SPIDR: variants seen among roughly 807,000 people sequenced by gnomAD.
SPIDR encodes the protein scaffold protein involved in DNA repair, also known as DNA repair-scaffolding protein.
A neutral mutation model predicts 104.6 loss-of-function variants in SPIDR; 93 were observed. The observed-to-expected ratio is 0.89, with a 90% confidence interval of 0.75 to 1.06. SPIDR has a LOEUF of 1.06. Ranked by LOEUF, SPIDR falls within the 50% of genes least tolerant of loss-of-function variation. The pLI is 0.00. For missense variants in SPIDR, 1,154 were observed against 1,111.2 expected (o/e 1.04, Z -0.55); for synonymous variants, 431 against 416.9 (o/e 1.03, Z -0.41).
chr8:47,420,301 G>T (rs1224264577), intron 7 of SPIDR, among the ~76,000 whole-genome samples: 4 of 152,102 alleles, frequency 2.6e-5, no homozygotes, highest in Non-Finnish European at 4.4e-5. Flanking sequence ...GGGTGCTCCT[G>T]TATTAGGTGC....
chr8:47,487,399 A>G (rs2077842284), intron 8 of SPIDR, among the ~76,000 whole-genome samples: 1 of 152,152 alleles, frequency 6.6e-6, no homozygotes, highest in Non-Finnish European at 1.5e-5. Flanking sequence ...CCCACACAAT[A>G]ATAATGGGAG....
intron 8 of SPIDR, among the ~76,000 whole-genome samples, chr8:47,500,859 A>G (rs1672552887): frequency 6.6e-6 from 1 of 152,184 alleles, no homozygotes; most frequent in Non-Finnish European, 1.5e-5. Context: ...CTTTCTACAT[A>G]TGGCTAGCCA....
At chr8:47,615,163 T>C (rs1386118530) in intron 10 of SPIDR, among the ~76,000 whole-genome samples, 2 of 151,990 alleles carry the variant, frequency 1.3e-5, no homozygotes, top group African/African-American at 2.4e-5. Flanking sequence ...CTCAAACTCT[T>C]GGACTCAGGC....
intron 5 of SPIDR, among the ~76,000 whole-genome samples, chr8:47,322,737 A>C (rs1586946263): frequency 6.6e-6 from 1 of 152,188 alleles, no homozygotes; most frequent in Non-Finnish European, 1.5e-5. Flanking sequence ...GCACATATAC[A>C]CCATGGAATA....
chr8:47,658,437 C>T (rs367729676), intron 10 of SPIDR, among the ~76,000 whole-genome samples: 1 of 151,306 alleles, frequency 6.6e-6, no homozygotes, highest in Non-Finnish European at 1.5e-5. Flanking sequence ...AAAAATAGTT[C>T]GATATTCACC....
At chr8:47,290,538 A>G (rs2039716972) in intron 3 of SPIDR, among the ~76,000 whole-genome samples, 3 of 152,180 alleles carry the variant, frequency 2.0e-5, no homozygotes, top group African/African-American at 7.2e-5. Context: ...TATGAATCTA[A>G]TATTATCTCA....
At chr8:47,727,174 G>T in intron 16 of SPIDR, 26 bp from the exon 17 acceptor site, 2 of 1,611,674 alleles carry the variant, frequency 1.2e-6, no homozygotes, top group South Asian at 1.1e-5. Context: ...CGCCTCTGAG[G>T]TGGGCTTTCC....
intron 5 of SPIDR, among the ~76,000 whole-genome samples, chr8:47,358,704 A>G (rs1554627596): frequency 6.6e-6 from 1 of 152,232 alleles, no homozygotes; most frequent in African/African-American, 2.4e-5. Flanking sequence ...TTTGTTTTGC[A>G]GTTCAATTGC....
intron 10 of SPIDR, among the ~76,000 whole-genome samples, chr8:47,651,012 C>T (rs1281705448): frequency 2.6e-5 from 4 of 151,990 alleles, no homozygotes; most frequent in African/African-American, 9.7e-5. Flanking sequence ...GAAGATAACC[C>T]AGGAAAAACT....
intron 1 of SPIDR, among the ~76,000 whole-genome samples, chr8:47,267,287 G>A (rs1171040955): frequency 6.6e-6 from 1 of 152,062 alleles, no homozygotes; most frequent in African/African-American, 2.4e-5. Context: ...GCTTCTCAAG[G>A]TGTTGGGATT....
intron 11 of SPIDR, among the ~76,000 whole-genome samples, chr8:47,674,893 C>G (rs1485742222): frequency 1.3e-5 from 2 of 152,212 alleles, no homozygotes; most frequent in Non-Finnish European, 2.9e-5. Context: ...TGCTGAGTGA[C>G]AGCTCTGCCC....
At chr8:47,269,044 G>A (rs1467526210) in intron 1 of SPIDR, among the ~76,000 whole-genome samples, 10 of 152,042 alleles carry the variant, frequency 6.6e-5, no homozygotes, top group Non-Finnish European at 1.3e-4. Context: ...GCTCATGCCT[G>A]TGGTCCCAGC....
intron 10 of SPIDR, among the ~76,000 whole-genome samples, chr8:47,655,680 G>A (rs554463096): frequency 6.6e-6 from 1 of 152,262 alleles, no homozygotes; most frequent in African/African-American, 2.4e-5. Flanking sequence ...TAGGTTGCCT[G>A]TTCACTGTGA....
chr8:47,651,459 G>T (rs2071608788), intron 10 of SPIDR, among the ~76,000 whole-genome samples: 1 of 152,142 alleles, frequency 6.6e-6, no homozygotes, highest in Non-Finnish European at 1.5e-5. Context: ...ATAGATACTG[G>T]AACGGACGTG....
intron 8 of SPIDR, among the ~76,000 whole-genome samples, chr8:47,451,530 G>C (rs1312135882): frequency 6.6e-6 from 1 of 151,894 alleles, no homozygotes; most frequent in Non-Finnish European, 1.5e-5. Flanking sequence ...GCAGTGAGTT[G>C]AGATCACACC....
At chr8:47,306,618 G>C (rs1287692605) in intron 5 of SPIDR, among the ~76,000 whole-genome samples, 1 of 152,010 alleles carries the variant, frequency 6.6e-6, no homozygotes, top group African/African-American at 2.4e-5. Flanking sequence ...AGATCTAGTT[G>C]GTTATTGTCT....
intron 8 of SPIDR, among the ~76,000 whole-genome samples, chr8:47,588,030 T>TAA (rs1225030237): frequency 0.1 from 540 of 5,380 alleles, 134 homozygotes; most frequent in Non-Finnish European, 0.28. Flanking sequence ...AATTAGCATA[T>TAA]ATATATATAT....
chr8:47,417,856 C>T (rs1361233752), intron 7 of SPIDR, among the ~76,000 whole-genome samples: 1 of 152,020 alleles, frequency 6.6e-6, no homozygotes, highest in Non-Finnish European at 1.5e-5. Flanking sequence ...AGCCAGTTTT[C>T]CCAGCACCAT....
chr8:47,700,992 C>T (rs188687530), intron 12 of SPIDR, among the ~76,000 whole-genome samples: 1 of 152,244 alleles, frequency 6.6e-6, no homozygotes, highest in Admixed American at 6.5e-5. Context: ...GAAAGTGTTC[C>T]CTCCTCTCCC....
Sources: allele counts gnomAD v4.1 joint callset (sites outside exome capture counted in the v4.1 genomes callset), GRCh38; gene constraint gnomAD v4.1.1; transcripts MANE v1.5; gene names NCBI Gene and HGNC (gene_info 2026-07-23, HGNC 2026-07-21).